COL3A1: variants seen among roughly 807,000 people sequenced by gnomAD.
COL3A1 encodes the protein collagen type III alpha 1 chain.
In COL3A1, 46 loss-of-function variants were observed where a neutral mutation model predicts 200.9. That is an observed-to-expected ratio of 0.23 (90% CI 0.18 to 0.29). COL3A1 has a LOEUF of 0.29. COL3A1 is among the 10% of genes least tolerant of loss of function. The pLI is 1.00. For synonymous variants in COL3A1, 650 were observed against 628.0 expected, an observed-to-expected ratio of 1.03 and a Z score of -0.52; for missense variants, 1,367 against 1,917.6, an observed-to-expected ratio of 0.71 and a Z score of 5.36.
At position 188,998,272 on chromosome 2, in the gene COL3A1, C is replaced by T. The variant is rs1243924552; in HGVS notation, c.1930C>T (p.Pro644Ser). 1 of 1,613,420 alleles carries T rather than the reference C, an allele frequency of 6.2e-7. No homozygotes were observed. The highest frequency in any genetic ancestry group is 8.5e-7 in the Non-Finnish European group (1 of 1,179,602). ...PPGPQGLQGL[P>S]GTGGPPGENG... ...CAAATATGATTCTTTCTAGGGCTTG[C>T]CTGGTACAGGTGGTCCTCCAGGAGA... Residue 644 changes from proline to serine, a missense_variant, in exon 28 of 51, where the codon CCT becomes TCT. Around this residue, in one of 5 missense-constraint regions of COL3A1, gnomAD observed 846 missense variants for 1,147.9 expected, o/e 0.74. Transcript: ENST00000304636.
intron 49 of COL3A1, 55 bp downstream of exon 49, chr2:189,010,420 T>A: frequency 6.3e-7 from 1 of 1,592,462 alleles, no homozygotes. Context: ...CTTTGTATTC[T>A]TCCTATATGT....
Position 188,988,142 on chromosome 2 carries a change from T to C in COL3A1, c.582+8T>C. The C allele has an allele frequency of 6.2e-7, 1 of 1,609,974 alleles. No individual in the cohort carries two copies. The highest frequency in any genetic ancestry group is 8.5e-7 in the Non-Finnish European group (1 of 1,176,456). On this transcript the variant is annotated splice_region_variant and intron_variant, in intron 6 of 50. Transcript: ENST00000304636. ...GGTCATCCTGGTTCCCCTGTAAGTA[T>C]AGCCATTGGTGGTGTTTTCTTCCTC...
At position 188,997,222 on chromosome 2, in the gene COL3A1, C is replaced by T. The variant is rs757154607; in HGVS notation, c.1815+4C>T. 39 of 1,613,838 alleles carry T rather than the reference C, an allele frequency of 2.4e-5. No homozygotes were observed. In the Admixed American group the frequency reaches 6.2e-4, roughly 26 times the overall value. ...CCCTGGAGGACCTGGCCCTCAGGTA[C>T]GTAGCTTTCCTCAATTTATTTCTAG... On this transcript the variant is annotated splice_donor_region_variant and intron_variant, in intron 25 of 50. Coordinates refer to ENST00000304636, the MANE Select transcript of COL3A1 (RefSeq NM_000090.4).
At position 188,988,613 on chromosome 2, in the gene COL3A1, C is replaced by G. The variant is rs1234502663; in HGVS notation, c.606C>G (p.Pro202=). Residue 202 remains proline, a synonymous_variant, in exon 7 of 51, where the codon CCC becomes CCG. Transcript: ENST00000304636. ...GSPGSPGYQG[P]PGEPGQAGPS... ...AGGGATCTCCAGGATACCAAGGACC[C>G]CCTGGTGAACCTGGGCAAGCTGGTC... 6.2e-7 allele frequency: 1 copy of G among 1,608,268 alleles called. No individual in the cohort carries two copies. Among genetic ancestry groups the G allele is most frequent in the East Asian group, 2.2e-5 (1 of 44,722 alleles).
chr2:189,006,181 A>G, intron 41 of COL3A1, 25 bp from the exon 42 acceptor site: 2 of 1,612,962 alleles, frequency 1.2e-6, no homozygotes, highest in Non-Finnish European at 1.7e-6. Context: ...AAGAAATTTT[A>G]TTTCCTTTCT....
chr2:188,989,815 A>G (rs543392322), intron 8 of COL3A1, among the ~76,000 whole-genome samples: 2 of 152,282 alleles, frequency 1.3e-5, no homozygotes, highest in East Asian at 3.9e-4. Context: ...ATTCAATGGC[A>G]TTCCTTCTTT....
intron 1 of COL3A1, among the ~76,000 whole-genome samples, chr2:188,976,744 A>C (rs1436208848): frequency 6.6e-6 from 1 of 152,196 alleles, no homozygotes; most frequent in Non-Finnish European, 1.5e-5. Flanking sequence ...TCGTCTTACA[A>C]ATTTGTGAAC....
rs1553510008 is a variant in COL3A1, at chr2:189,011,700, G to A, written c.4327G>A (p.Asp1443Asn). 2 of 1,614,030 alleles carry A rather than the reference G, an allele frequency of 1.2e-6. No homozygotes were observed. Among genetic ancestry groups the A allele is most frequent in the Non-Finnish European group, 1.7e-6 (2 of 1,179,924 alleles). The change falls in exon 51 of 51, where the codon GAT (aspartate) becomes AAT (asparagine). Residue 1443 changes from aspartate to asparagine, a missense_variant. Physicochemically the swap from Asp to Asn is conservative, Grantham distance 23. This residue lies in a region of COL3A1 where 846 missense variants were observed against 1,147.9 expected (regional missense o/e 0.74). Coordinates refer to ENST00000304636, the MANE Select transcript of COL3A1 (RefSeq NM_000090.4). ...CAAGGCTGTGAGACTACCTATTGTA[G>A]ATATTGCACCCTATGACATTGGTGG... ...TRKAVRLPIV[D>N]IAPYDIGGPD...
chr2:188,997,462 C>G lies in COL3A1; in HGVS notation c.1869+73C>G. 3 of 1,454,392 alleles carry G rather than the reference C, an allele frequency of 2.1e-6. No homozygotes were observed. In the South Asian group the frequency reaches 3.4e-5, roughly 17 times the overall value. The allele number at this position is 1,454,392 out of a possible 1,614,324, so 90.1% of individuals were successfully genotyped here. A position where few individuals can be genotyped will look rare whatever the true frequency, so the allele number is the denominator to read the frequency against. On this transcript the variant is annotated intron_variant, in intron 26 of 50. Coordinates refer to ENST00000304636, the MANE Select transcript of COL3A1 (RefSeq NM_000090.4). ...GGCAGGAAGAATGCTTCAAAAATTA[C>G]ATAATCTCTGACACCATGTTGTTAC...
intron 35 of COL3A1, 65 bp downstream of exon 35, chr2:189,002,416 C>G (rs371607103): frequency 1.2e-5 from 18 of 1,466,080 alleles, no homozygotes; most frequent in Non-Finnish European, 1.6e-5. Flanking sequence ...TGAAAAATTA[C>G]AAAAGTATAG....
intron 15 of COL3A1, 140 bp downstream of exon 15, chr2:188,993,080 G>C (rs1459123803): frequency 2.5e-6 from 2 of 799,558 alleles, no homozygotes; most frequent in East Asian, 2.6e-5. Flanking sequence ...CCCTATTCTT[G>C]ATTCTAAAAG....
chr2:188,995,061 C>T lies in COL3A1; in HGVS notation c.1471C>T (p.Arg491Ter), dbSNP rs1057518075. 4 of 1,614,100 alleles carry T rather than the reference C, an allele frequency of 2.5e-6. No homozygotes were observed. Among genetic ancestry groups the T allele is most frequent in the East Asian group, 2.2e-5 (1 of 44,876 alleles). The change falls in exon 21 of 51, where the codon CGA (arginine) becomes TGA (stop). Residue 491 changes from arginine to a stop codon, truncating the protein, a stop_gained. Coordinates refer to ENST00000304636, the MANE Select transcript of COL3A1 (RefSeq NM_000090.4). LOFTEE classifies it high-confidence loss of function. ...TTATTTTCAGGGTGCCCCTGGGTTCCGAGGACCTGCTGGACCAAATGGCAT... is the reference window on the plus strand; with the variant it reads ...TTATTTTCAGGGTGCCCCTGGGTTCTGAGGACCTGCTGGACCAAATGGCAT... ...AAGERGAPGF[R>*]GPAGPNGIPG...
At chr2:189,008,322 CA>C (rs1404280256) in intron 47 of COL3A1, 180 bp downstream of exon 47, 1 of 647,456 alleles carries the variant, frequency 1.5e-6, no homozygotes, top group African/African-American at 1.8e-5. Flanking sequence ...CACACTATAA[CA>C]GGAGAAAAAT....
chr2:188,987,855 A>G (rs1231839600), intron 5 of COL3A1, among the ~76,000 whole-genome samples: 1 of 152,112 alleles, frequency 6.6e-6, no homozygotes, highest in Non-Finnish European at 1.5e-5. Context: ...ACAACATTTT[A>G]TAACATTTAT....
chr2:188,997,922 G>A (rs190099969), intron 27 of COL3A1, among the ~76,000 whole-genome samples, 169 bp downstream of exon 27: 88 of 152,288 alleles, frequency 5.8e-4, no homozygotes, highest in Middle Eastern at 3.4e-3. Flanking sequence ...CCGTTCCAGA[G>A]CACATTAATA....
chr2:189,006,245 T>A lies in COL3A1; in HGVS notation c.3079T>A (p.Ser1027Thr). ...GSDGLPGRDG[S>T]PGGKGDRGEN... ...AGATGGTCTTCCAGGCCGAGATGGA[T>A]CTCCTGGTGGCAAGGTATAATAAAC... Residue 1027 changes from serine to threonine, a missense_variant, in exon 42 of 51, where the codon TCT becomes ACT. Coordinates refer to ENST00000304636, the MANE Select transcript of COL3A1 (RefSeq NM_000090.4). 1 of 1,614,192 alleles carries A rather than the reference T, an allele frequency of 6.2e-7. No individual in the cohort carries two copies. The highest frequency in any genetic ancestry group is 8.5e-7 in the Non-Finnish European group (1 of 1,180,024).
At position 188,997,322 on chromosome 2, in the gene COL3A1, G is replaced by A. The variant is rs7579815; in HGVS notation, c.1816-14G>A. ...CTGTATTATTTCTACTTCCCTAACTGTTCTTGTTTTTAGGGTCCTCCTGGA... is the reference window on the plus strand; with the variant it reads ...CTGTATTATTTCTACTTCCCTAACTATTCTTGTTTTTAGGGTCCTCCTGGA... On this transcript the variant is annotated splice_polypyrimidine_tract_variant and intron_variant, in intron 25 of 50. Coordinates refer to ENST00000304636, the MANE Select transcript of COL3A1 (RefSeq NM_000090.4). 6.2e-7 allele frequency: 1 copy of A among 1,613,150 alleles called. No homozygotes were observed.
rs1688256822 is a variant in COL3A1, at chr2:188,994,471, A to G, written c.1294-70A>G. 2 of 1,579,896 alleles carry G rather than the reference A, an allele frequency of 1.3e-6. No individual in the cohort carries two copies. The highest frequency in any genetic ancestry group is 2.2e-5 in the East Asian group (1 of 44,694). On this transcript the variant is annotated intron_variant, in intron 18 of 50. Coordinates refer to ENST00000304636, the MANE Select transcript of COL3A1 (RefSeq NM_000090.4). The surrounding 1 kb of genome is among the most constrained non-coding windows in gnomAD (Gnocchi z 4.5). ...TTGTCTTATAACTTATAACTGAATT[A>G]TGTGTTACTGGTGATGATTTGTTAG...
Position 188,994,937 on chromosome 2 carries a change from G to A in COL3A1, c.1455+106G>A. 1.9e-6 allele frequency: 3 copies of A among 1,550,604 alleles called. No individual in the cohort carries two copies. The highest frequency in any genetic ancestry group is 2.7e-6 in the Non-Finnish European group (3 of 1,122,996). ...ATTTTTCTTAAGTTGAGTGTTCAGT[G>A]AAAATATTGTTTAAAGCATTCTATG... On this transcript the variant is annotated intron_variant, in intron 20 of 50. Coordinates refer to ENST00000304636, the MANE Select transcript of COL3A1 (RefSeq NM_000090.4). The surrounding 1 kb of genome is among the most constrained non-coding windows in gnomAD (Gnocchi z 4.5).
Sources: gnomAD v4.1 joint callset for allele counts (sites outside exome capture counted in the v4.1 genomes callset) on GRCh38, gnomAD v4.1.1 for gene constraint, gnomAD v4.1.1 regional missense constraint, Gnocchi (gnomAD v3.1) non-coding constraint, MANE v1.5 for transcripts, NCBI Gene and HGNC (gene_info 2026-07-23, HGNC 2026-07-21) for gene names.